NALCN: variants seen among roughly 807,000 people sequenced by gnomAD.
The protein encoded by NALCN is sodium leak channel, non-selective, also known as sodium leak channel NALCN.
In NALCN, 111 loss-of-function variants were observed where a neutral mutation model predicts 225.3. The observed-to-expected ratio is 0.49, with a 90% CI of 0.42 to 0.58. The LOEUF (loss-of-function observed/expected upper bound fraction) is 0.58. Among genes scored for constraint, NALCN ranks in the 20% least tolerant of loss-of-function variants. The pLI, the probability that NALCN is intolerant of heterozygous loss-of-function variation, is 0.00. For synonymous variants in NALCN, 764 were observed against 769.0 expected (o/e 0.99, Z 0.11); for missense variants, 1,378 against 2,202.4 (o/e 0.63, Z 7.49).
intron 7 of NALCN, among the ~76,000 whole-genome samples, chr13:101,321,336 T>A (rs1017170663): frequency 6.6e-6 from 1 of 152,054 alleles, no homozygotes; most frequent in African/African-American, 2.4e-5. Flanking sequence ...GAGTGGCCAA[T>A]AAACATATAA....
chr13:101,377,939 G>C (rs1490434516), intron 4 of NALCN, among the ~76,000 whole-genome samples: 2 of 152,052 alleles, frequency 1.3e-5, no homozygotes, highest in Non-Finnish European at 2.9e-5. Flanking sequence ...AATCAAATCT[G>C]TCCTGTAAGT....
At chr13:101,291,630 T>G (rs1381193724) in intron 9 of NALCN, among the ~76,000 whole-genome samples, 1 of 152,128 alleles carries the variant, frequency 6.6e-6, no homozygotes, top group Non-Finnish European at 1.5e-5. Context: ...TCACTGTACC[T>G]TTGACCTCCT....
At chr13:101,213,875 G>A (rs189845058) in intron 13 of NALCN, among the ~76,000 whole-genome samples, 131 of 152,332 alleles carry the variant, frequency 8.6e-4, no homozygotes, top group African/African-American at 2.9e-3. Flanking sequence ...CATTGTGGAA[G>A]ACAGTGTGGC....
chr13:101,113,555 G>T (rs973592419), intron 18 of NALCN, among the ~76,000 whole-genome samples: 2 of 152,166 alleles, frequency 1.3e-5, no homozygotes, highest in African/African-American at 4.8e-5. Context: ...ATGTGCCCAG[G>T]TTCATACAAA....
chr13:101,139,604 GTT>G (rs34424690), intron 17 of NALCN, among the ~76,000 whole-genome samples: 2 of 147,080 alleles, frequency 1.4e-5, no homozygotes, highest in Admixed American at 1.3e-4. Context: ...GGGCTGGGTG[GTT>G]TTTTTTTTTC....
At chr13:101,326,374 C>CAG (rs2044952656) in intron 7 of NALCN, among the ~76,000 whole-genome samples, 1 of 152,282 alleles carries the variant, frequency 6.6e-6, no homozygotes, top group East Asian at 1.9e-4. Context: ...AAACACTGCT[C>CAG]AGAGATGTGA....
rs754344578 is a variant in NALCN, at chr13:101,054,437, A to AATG, written c.*855_*857dup. 1 of 151,432 alleles carries AATG rather than the reference A, an allele frequency of 6.6e-6. No individual in the cohort carries two copies. The highest frequency in any genetic ancestry group is 2.4e-5 in the African/African-American group (1 of 41,216). The allele number at this position is 151,432 out of a possible 1,614,324, so 9.4% of individuals were successfully genotyped here. On this transcript the variant is annotated 3_prime_UTR_variant, in exon 44 of 44. Transcript: ENST00000251127. The stretch of plus-strand genomic sequence containing the variant: ...CATACCTTGGGTAAGAAATGAAGCC[A>AATG]ATGATAACATCACACATGCAAAGAT...
intron 12 of NALCN, 22 bp downstream of exon 12, chr13:101,237,733 A>C: frequency 6.6e-7 from 1 of 1,525,204 alleles, no homozygotes; most frequent in Non-Finnish European, 8.8e-7. Flanking sequence ...TTCTAAAGAC[A>C]AATAGGCATT....
intron 7 of NALCN, among the ~76,000 whole-genome samples, chr13:101,326,968 G>C (rs994382197): frequency 1.2e-4 from 19 of 152,174 alleles, no homozygotes; most frequent in Non-Finnish European, 2.4e-4. Context: ...ATAAACAAGA[G>C]AGAGAGCCGC....
intron 22 of NALCN, among the ~76,000 whole-genome samples, chr13:101,105,439 C>T (rs1046263589): frequency 6.6e-6 from 1 of 151,586 alleles, no homozygotes; most frequent in African/African-American, 2.4e-5. Context: ...TTTCTACTTT[C>T]AGGAAGCCTG....
intron 15 of NALCN, among the ~76,000 whole-genome samples, chr13:101,147,554 AC>A (rs1204736094): frequency 1.3e-5 from 2 of 151,970 alleles, no homozygotes; most frequent in Admixed American, 1.3e-4. Context: ...GTTTTAACAA[AC>A]AAAAACAAAA....
intron 15 of NALCN, among the ~76,000 whole-genome samples, chr13:101,162,699 G>A (rs190903736): frequency 5.9e-5 from 9 of 152,178 alleles, no homozygotes; most frequent in Non-Finnish European, 1.2e-4. Context: ...AAAGTGCTGC[G>A]AGGTTGCTCT....
At chr13:101,136,558 G>T (rs1004500021) in intron 17 of NALCN, among the ~76,000 whole-genome samples, 1 of 150,382 alleles carries the variant, frequency 6.6e-6, no homozygotes, top group Non-Finnish European at 1.5e-5. Flanking sequence ...TGCAGTATTT[G>T]GTTTTTTGTC....
At chr13:101,140,709 T>A (rs985696697) in intron 17 of NALCN, among the ~76,000 whole-genome samples, 7 of 152,200 alleles carry the variant, frequency 4.6e-5, no homozygotes, top group African/African-American at 1.7e-4. Flanking sequence ...CCATGCCCCA[T>A]GCACAGTGTT....
chr13:101,246,807 T>G (rs534579155), intron 11 of NALCN, among the ~76,000 whole-genome samples: 1 of 152,352 alleles, frequency 6.6e-6, no homozygotes, highest in East Asian at 1.9e-4. Flanking sequence ...TCAGATTTTG[T>G]TGGGGCCAAA....
intron 28 of NALCN, among the ~76,000 whole-genome samples, chr13:101,091,504 G>A (rs1208006326): frequency 3.9e-5 from 6 of 152,136 alleles, no homozygotes; most frequent in African/African-American, 1.4e-4. Flanking sequence ...GCTGATTAGT[G>A]GAGACGGTCT....
chr13:101,366,745 T>C (rs781323839), intron 6 of NALCN, among the ~76,000 whole-genome samples: 1 of 152,242 alleles, frequency 6.6e-6, no homozygotes, highest in Non-Finnish European at 1.5e-5. Flanking sequence ...CCAATTAATA[T>C]ATCCATCATA....
intron 30 of NALCN, 99 bp from the exon 31 acceptor site, chr13:101,083,903 G>T: frequency 9.6e-7 from 1 of 1,039,836 alleles, no homozygotes; most frequent in Non-Finnish European, 1.4e-6. Flanking sequence ...TGATGTGAGG[G>T]CTTGCACTGA....
intron 20 of NALCN, among the ~76,000 whole-genome samples, chr13:101,109,676 A>C (rs1279368634): frequency 6.6e-6 from 1 of 152,148 alleles, no homozygotes; most frequent in Non-Finnish European, 1.5e-5. Flanking sequence ...CTTCATAATT[A>C]CGGTTATTTA....
Sources: allele counts gnomAD v4.1 joint callset (sites outside exome capture counted in the v4.1 genomes callset), GRCh38; gene constraint gnomAD v4.1.1; transcripts MANE v1.5; gene names NCBI Gene and HGNC (gene_info 2026-07-23, HGNC 2026-07-21).